Variants in HERC1 observed in about 807,000 individuals in gnomAD.
HERC1 encodes the protein probable E3 ubiquitin-protein ligase HERC1.
Under a neutral mutation model 554.3 loss-of-function variants are expected in HERC1, and 160 were observed. That is an observed-to-expected ratio of 0.29 (90% confidence interval 0.25 to 0.33). HERC1 has a LOEUF of 0.33. HERC1 is among the 10% of genes least tolerant of loss of function. HERC1 has a pLI of 1.00. For missense variants in HERC1, 4,919 were observed against 5,918.5 expected (o/e 0.83, Z 5.54); for synonymous variants, 2,175 against 2,131.7 (o/e 1.02, Z -0.56).
chr15:63,706,880 TTTAAGA>T (rs765872278), intron 24 of HERC1, 49 bp from the exon 25 acceptor site: 72 of 1,203,698 alleles, frequency 6.0e-5, no homozygotes, highest in African/African-American at 3.5e-4. Context: ...TGAAAAGTAT[TTTAAGA>T]TTAAGATTTA....
chr15:63,649,842 C>T lies in HERC1; in HGVS notation c.10630G>A (p.Gly3544Arg). 1 of 1,613,234 alleles carries T rather than the reference C, an allele frequency of 6.2e-7. No individual in the cohort carries two copies. The highest frequency in any genetic ancestry group is 8.5e-7 in the Non-Finnish European group (1 of 1,179,592). Residue 3544 changes from glycine to arginine, a missense_variant, in exon 54 of 78, where the codon GGA becomes AGA. Physicochemically the swap from Gly to Arg is moderately radical, Grantham distance 125. Around this residue, in one of 11 missense-constraint regions of HERC1, gnomAD observed 1,963 missense variants for 2,228.6 expected, o/e 0.88. Coordinates refer to ENST00000443617, the MANE Select transcript of HERC1 (RefSeq NM_003922.4). Reference sequence around the variant, plus strand: ...ACCAACAACAATTCTGGAGACTCTCCTGACCAGGCTGTAGCCGGACCCTCT... The same window carrying T: ...ACCAACAACAATTCTGGAGACTCTCTTGACCAGGCTGTAGCCGGACCCTCT... ...PEEGPATAWSGESPELLLVGR... is the reference protein window; with the variant it reads ...PEEGPATAWSRESPELLLVGR...
At chr15:63,611,466 C>A (rs1378804695) in intron 77 of HERC1, among the ~76,000 whole-genome samples, 1 of 152,214 alleles carries the variant, frequency 6.6e-6, no homozygotes, top group Non-Finnish European at 1.5e-5. Context: ...GCAGCTGGGG[C>A]CTTTCATCAG....
At chr15:63,666,903 A>G (rs530013610) in intron 40 of HERC1, among the ~76,000 whole-genome samples, 1 of 152,352 alleles carries the variant, frequency 6.6e-6, no homozygotes, top group Non-Finnish European at 1.5e-5. Context: ...TTCAGCTCTC[A>G]TGTGAAAAAC....
chr15:63,638,100 A>T (rs1302173300), intron 63 of HERC1, among the ~76,000 whole-genome samples: 1 of 152,216 alleles, frequency 6.6e-6, no homozygotes, highest in Non-Finnish European at 1.5e-5. Context: ...GATCCTAGGA[A>T]GTTTTTAGCC....
chr15:63,733,508 A>C (rs1191746365), intron 13 of HERC1, among the ~76,000 whole-genome samples: 1 of 152,210 alleles, frequency 6.6e-6, no homozygotes, highest in African/African-American at 2.4e-5. Flanking sequence ...ACTTATTCTA[A>C]TGTTCAAAAT....
intron 33 of HERC1, among the ~76,000 whole-genome samples, chr15:63,687,238 C>T (rs2071815375): frequency 6.6e-6 from 1 of 152,116 alleles, no homozygotes; most frequent in Admixed American, 6.5e-5. Flanking sequence ...CCTGCAAGTT[C>T]AGGTAAGAAA....
chr15:63,682,212 A>G (rs1408106454), intron 34 of HERC1, among the ~76,000 whole-genome samples: 1 of 152,220 alleles, frequency 6.6e-6, no homozygotes, highest in Non-Finnish European at 1.5e-5. Context: ...GTGAGGGGCA[A>G]AAGTTACCTA....
At chr15:63,627,622 C>T (rs1457422139) in intron 70 of HERC1, among the ~76,000 whole-genome samples, 1 of 150,344 alleles carries the variant, frequency 6.7e-6, no homozygotes, top group Non-Finnish European at 1.5e-5. Flanking sequence ...TGCAGTAAGC[C>T]GAGATTGCGC....
intron 74 of HERC1, among the ~76,000 whole-genome samples, chr15:63,617,622 C>G (rs543834045): frequency 8.1e-4 from 123 of 152,300 alleles, no homozygotes; most frequent in African/African-American, 2.9e-3. Context: ...TACAGTCCCA[C>G]CAACAGTGTA....
rs1260773975 is a variant in HERC1 at position 63,743,249 on chromosome 15, C to CTTTT, written c.2520+3665_2520+3668dup. ...TCCTCTGTGTATTTTCTTTTTTTTT[C>CTTTT]TTTTTTTCTTTTTCTTTTTTTTTTT... On this transcript the variant is annotated intron_variant, in intron 12 of 77. Coordinates refer to ENST00000443617, the MANE Select transcript of HERC1 (RefSeq NM_003922.4). 2.4e-5 allele frequency among the ~76,000 whole-genome samples: 3 copies of CTTTT among 125,426 alleles called. No homozygotes were observed. In the Admixed American group the frequency reaches 2.7e-4, roughly 11 times the overall value. 82.3% of individuals were successfully genotyped at this position (125,426 alleles called of 152,430 possible).
intron 1 of HERC1, among the ~76,000 whole-genome samples, chr15:63,815,107 A>C (rs1216425715): frequency 6.6e-6 from 1 of 152,198 alleles, no homozygotes; most frequent in East Asian, 1.9e-4. Context: ...TTTATGGATA[A>C]TGGTTCCCAG....
intron 45 of HERC1, among the ~76,000 whole-genome samples, chr15:63,661,545 A>C (rs1394582915): frequency 1.3e-5 from 2 of 152,236 alleles, no homozygotes; most frequent in African/African-American, 4.8e-5. Flanking sequence ...TAACACAGTC[A>C]AACTCCAGGG....
At chr15:63,642,497 C>T (rs891448276) in intron 59 of HERC1, among the ~76,000 whole-genome samples, 1 of 152,130 alleles carries the variant, frequency 6.6e-6, no homozygotes, top group Non-Finnish European at 1.5e-5. Context: ...GCCACCACGC[C>T]TGGCTAATTT....
intron 1 of HERC1, among the ~76,000 whole-genome samples, chr15:63,794,857 G>T (rs887347207): frequency 6.6e-6 from 1 of 151,972 alleles, no homozygotes; most frequent in African/African-American, 2.4e-5. Flanking sequence ...CCTGAGGTCA[G>T]GAGTTCAAGT....
Position 63,747,825 on chromosome 15 carries a change from T to C in HERC1, c.2253A>G (p.Val751=). The C allele has an allele frequency of 6.5e-7, 1 of 1,549,592 alleles. No homozygotes were observed. The highest frequency in any genetic ancestry group is 1.2e-5 in the South Asian group (1 of 83,990). ...QVVAWHRPYC[V]DLEESTFSHL... is the part of the protein sequence containing the mutation. Reference sequence around the variant, plus strand: ...GTGAGAAGGTACTCTCTTCAAGATCTACACAATAAGGTCGGTGCCATGCAA... The same window carrying C: ...GTGAGAAGGTACTCTCTTCAAGATCCACACAATAAGGTCGGTGCCATGCAA... The change falls in exon 11 of 78, where the codon GTA becomes GTG. Residue 751 remains valine (V), a synonymous_variant. Coordinates refer to ENST00000443617, the MANE Select transcript of HERC1 (RefSeq NM_003922.4).
intron 19 of HERC1, among the ~76,000 whole-genome samples, chr15:63,719,454 G>A (rs1348849940): frequency 1.3e-5 from 2 of 152,234 alleles, no homozygotes; most frequent in East Asian, 1.9e-4. Flanking sequence ...AGATCCCAAC[G>A]GCCTTGCAGG....
chr15:63,641,385 C>T (rs1303423262), intron 60 of HERC1, 85 bp downstream of exon 60: 2 of 1,186,820 alleles, frequency 1.7e-6, no homozygotes, highest in Non-Finnish European at 2.3e-6. Context: ...AGACCTCATG[C>T]TTTTAAGGGA....
intron 1 of HERC1, among the ~76,000 whole-genome samples, chr15:63,799,295 G>A (rs567354056): frequency 2.0e-5 from 3 of 152,114 alleles, no homozygotes; most frequent in Non-Finnish European, 4.4e-5. Context: ...GAGCCCAGGA[G>A]TTTGAGACCA....
At chr15:63,634,985 C>A (rs2068717442) in intron 65 of HERC1, 97 bp from the exon 66 acceptor site, 1 of 813,852 alleles carries the variant, frequency 1.2e-6, no homozygotes. Context: ...ATAAACTTTA[C>A]ATAAACTTCA....
Sources: gnomAD v4.1 joint callset for allele counts (sites outside exome capture counted in the v4.1 genomes callset) on GRCh38, gnomAD v4.1.1 for gene constraint, gnomAD v4.1.1 regional missense constraint, MANE v1.5 for transcripts, NCBI Gene and HGNC (gene_info 2026-07-23, HGNC 2026-07-21) for gene names.